ATP8A2: variants seen among roughly 807,000 people sequenced by gnomAD.
ATP8A2 encodes the protein phospholipid-transporting ATPase IB.
Under a neutral mutation model 165.6 loss-of-function variants are expected in ATP8A2, and 100 were observed. The ratio of observed to expected loss-of-function variants is 0.60; its 90% CI spans 0.51 to 0.71. The LOEUF is 0.71. ATP8A2 is among the 30% of genes least tolerant of loss of function. The pLI, the probability that ATP8A2 is intolerant of heterozygous loss-of-function variation, is 0.00. For synonymous variants in ATP8A2, 543 were observed against 548.8 expected (o/e 0.99, Z 0.15); for missense variants, 1,227 against 1,479.5 (o/e 0.83, Z 2.80).
intron 26 of ATP8A2, among the ~76,000 whole-genome samples, chr13:25,772,566 C>A (rs1007527267): frequency 6.6e-5 from 10 of 151,970 alleles, no homozygotes; most frequent in African/African-American, 2.2e-4. Context: ...CCGCGCCTTC[C>A]CCTCACCTCC....
chr13:25,686,040 C>G (rs2042594278), intron 24 of ATP8A2, among the ~76,000 whole-genome samples: 1 of 152,114 alleles, frequency 6.6e-6, no homozygotes, highest in Admixed American at 6.5e-5. Context: ...ATTCTGATAT[C>G]CTTGGTGTGA....
intron 29 of ATP8A2, among the ~76,000 whole-genome samples, chr13:25,837,768 A>G (rs1951655311): frequency 6.6e-6 from 1 of 152,322 alleles, no homozygotes; most frequent in Middle Eastern, 3.4e-3. Context: ...ATATGAACTC[A>G]GGGATCACAT....
chr13:25,435,832 T>A (rs1019066822), intron 1 of ATP8A2, among the ~76,000 whole-genome samples: 1 of 152,182 alleles, frequency 6.6e-6, no homozygotes, highest in Non-Finnish European at 1.5e-5. Context: ...AGAATCTTAT[T>A]TATGCTTCCC....
At chr13:25,799,594 T>C (rs1047730734) in intron 27 of ATP8A2, among the ~76,000 whole-genome samples, 51 of 152,316 alleles carry the variant, frequency 3.3e-4, no homozygotes, top group African/African-American at 1.2e-3. Flanking sequence ...GTCTTCCACG[T>C]TGGAGGGCAG....
At chr13:25,753,487 G>GT (rs1232219277) in intron 25 of ATP8A2, among the ~76,000 whole-genome samples, 8 of 152,320 alleles carry the variant, frequency 5.3e-5, no homozygotes, top group African/African-American at 1.7e-4. Context: ...TCTCATTCTA[G>GT]TGCGGTAGGT....
chr13:25,649,758 T>A (rs976880633), intron 24 of ATP8A2, among the ~76,000 whole-genome samples: 1 of 151,924 alleles, frequency 6.6e-6, no homozygotes, highest in Non-Finnish European at 1.5e-5. Flanking sequence ...TCAGGTAGAG[T>A]CCAAGGCTGG....
At chr13:25,844,883 A>G (rs991236730) in intron 30 of ATP8A2, among the ~76,000 whole-genome samples, 41 of 152,210 alleles carry the variant, frequency 2.7e-4, no homozygotes, top group Admixed American at 2.0e-3. Flanking sequence ...GTATATATCA[A>G]CAGTGTTCAC....
chr13:25,580,268 C>G (rs1057190296), intron 22 of ATP8A2, among the ~76,000 whole-genome samples: 1 of 152,218 alleles, frequency 6.6e-6, no homozygotes, highest in East Asian at 1.9e-4. Context: ...CAGGAGCAAT[C>G]AGAATGCTGT....
intron 24 of ATP8A2, among the ~76,000 whole-genome samples, chr13:25,653,675 G>A (rs888282229): frequency 3.9e-5 from 6 of 152,152 alleles, no homozygotes; most frequent in Admixed American, 2.6e-4. Context: ...AGAGCAGACC[G>A]CACACAATGG....
intron 25 of ATP8A2, among the ~76,000 whole-genome samples, chr13:25,714,124 AAG>A (rs2043208062): frequency 1.1e-5 from 1 of 88,088 alleles, no homozygotes; most frequent in Admixed American, 9.6e-5. Context: ...AAAAGAAAGA[AAG>A]GAAGGAAGGA....
intron 27 of ATP8A2, among the ~76,000 whole-genome samples, chr13:25,804,228 C>T (rs1451585672): frequency 6.6e-6 from 1 of 151,954 alleles, no homozygotes; most frequent in Non-Finnish European, 1.5e-5. Flanking sequence ...AAGGAATGGC[C>T]GTTTTAATGA....
intron 33 of ATP8A2, among the ~76,000 whole-genome samples, chr13:25,941,406 A>G (rs1593596868): frequency 2.0e-5 from 3 of 152,114 alleles, no homozygotes; most frequent in Middle Eastern, 6.8e-3. Context: ...CCCTCCATGC[A>G]TGGCCTAAAC....
At chr13:25,961,276 G>A (rs1047617937) in intron 33 of ATP8A2, among the ~76,000 whole-genome samples, 2 of 152,186 alleles carry the variant, frequency 1.3e-5, no homozygotes, top group Non-Finnish European at 2.9e-5. Context: ...GACTCCAACA[G>A]CTCTCTTTAG....
At chr13:25,820,544 G>A (rs896848971) in intron 27 of ATP8A2, among the ~76,000 whole-genome samples, 2 of 152,194 alleles carry the variant, frequency 1.3e-5, no homozygotes, top group East Asian at 3.9e-4. Flanking sequence ...CGTCAAATGG[G>A]GGACGGACAG....
At chr13:25,610,883 C>CTTTTTT (rs56730760) in intron 24 of ATP8A2, among the ~76,000 whole-genome samples, 1 of 120,680 alleles carries the variant, frequency 8.3e-6, no homozygotes, top group Non-Finnish European at 1.7e-5. Context: ...AGGTATATTC[C>CTTTTTT]TTTTTTTTTT....
chr13:25,796,554 G>T (rs1389962009), intron 27 of ATP8A2, among the ~76,000 whole-genome samples: 1 of 152,194 alleles, frequency 6.6e-6, no homozygotes, highest in Non-Finnish European at 1.5e-5. Context: ...GGGACCTACT[G>T]GGGAAGAGCC....
chr13:25,749,434 C>A (rs2044107718), intron 25 of ATP8A2, among the ~76,000 whole-genome samples: 1 of 152,058 alleles, frequency 6.6e-6, no homozygotes, highest in Non-Finnish European at 1.5e-5. Flanking sequence ...CGAGGGGAGT[C>A]CAGATGCGAG....
intron 33 of ATP8A2, among the ~76,000 whole-genome samples, chr13:25,872,825 G>T (rs1952713622): frequency 6.6e-6 from 1 of 151,560 alleles, no homozygotes; most frequent in Admixed American, 6.6e-5. Flanking sequence ...ATTTTATTTA[G>T]CTCAATATTT....
intron 26 of ATP8A2, among the ~76,000 whole-genome samples, chr13:25,774,144 GAC>G (rs34036688): frequency 0.5 from 75,808 of 151,802 alleles, 19,844 homozygotes; most frequent in South Asian, 0.61. Flanking sequence ...TAATAGCAAA[GAC>G]ATGGAATCAA....
Sources: gnomAD v4.1 joint callset for allele counts (sites outside exome capture counted in the v4.1 genomes callset) on GRCh38, gnomAD v4.1.1 for gene constraint, MANE v1.5 for transcripts, NCBI Gene and HGNC (gene_info 2026-07-23, HGNC 2026-07-21) for gene names.